The following PTGFRN variants were observed in gnomAD, a reference collection of about 807,000 sequenced individuals.
PTGFRN encodes the protein prostaglandin F2 receptor negative regulator.
PTGFRN carries 35 observed loss-of-function variants against 83.2 expected under a neutral mutation model. That is an observed-to-expected ratio of 0.42 (90% CI 0.32 to 0.56). PTGFRN has a LOEUF of 0.56. PTGFRN is among the 20% of genes least tolerant of loss of function. The probability of loss-of-function intolerance (pLI) is 0.11; values close to 1 mark genes in which losing one functional copy is unlikely to be tolerated. For missense variants in PTGFRN, 1,051 were observed against 1,179.5 expected, an observed-to-expected ratio of 0.89 and a Z score of 1.60; for synonymous variants, 519 against 498.6, an observed-to-expected ratio of 1.04 and a Z score of -0.55.
chr1:116,979,508 G>C (rs1463967060), intron 7 of PTGFRN, among the ~76,000 whole-genome samples: 1 of 152,100 alleles, frequency 6.6e-6, no homozygotes, highest in Admixed American at 6.5e-5. Flanking sequence ...GCATGGTGCT[G>C]GTACCAAAAC....
chr1:116,927,735 A>G (rs1015224955), intron 1 of PTGFRN, among the ~76,000 whole-genome samples: 7 of 150,916 alleles, frequency 4.6e-5, no homozygotes, highest in East Asian at 1.9e-4. Flanking sequence ...GACGAGATCT[A>G]TGTTGCCCAG....
At chr1:116,968,883 T>G (rs1557746840) in intron 6 of PTGFRN, among the ~76,000 whole-genome samples, 2 of 152,176 alleles carry the variant, frequency 1.3e-5, no homozygotes, top group African/African-American at 2.4e-5. Context: ...GTATCAGTAC[T>G]TCATTCCTTT....
chr1:116,910,987 C>A (rs1000354076), intron 1 of PTGFRN, among the ~76,000 whole-genome samples: 1 of 152,154 alleles, frequency 6.6e-6, no homozygotes, highest in African/African-American at 2.4e-5. Flanking sequence ...CCTCCGGAAA[C>A]CCTGGGTGCC....
intron 3 of PTGFRN, among the ~76,000 whole-genome samples, chr1:116,945,727 T>C (rs1290341649): frequency 6.7e-6 from 1 of 149,976 alleles, no homozygotes; most frequent in African/African-American, 2.5e-5. Flanking sequence ...CCCTTTGTCC[T>C]GTCGTCTGTG....
In PTGFRN at chr1:116,949,419, C is replaced by T. The variant is rs764413521; in HGVS notation, c.1060C>T (p.Arg354Cys). The T allele has an allele frequency of 3.1e-6, 5 of 1,614,116 alleles. No homozygotes were observed. In the South Asian group the frequency reaches 3.3e-5, roughly 11 times the overall value. Residue 354 changes from arginine to cysteine, a missense_variant, in exon 4 of 9, where the codon CGC becomes TGC. Physicochemically the swap from Arg to Cys is radical, Grantham distance 180 (BLOSUM62 -3). Coordinates refer to ENST00000393203, the MANE Select transcript of PTGFRN (RefSeq NM_020440.4). The part of the protein sequence containing the change: ...PHVALSHVDA[R>C]SYHLLVRDVS... ...TGTTGCTTTGAGTCATGTGGATGCA[C>T]GCTCCTACCATTTACTGGTTCGGGA...
intron 6 of PTGFRN, among the ~76,000 whole-genome samples, chr1:116,967,895 G>A (rs6687664): frequency 0.14 from 20,911 of 152,128 alleles, 1,637 homozygotes; most frequent in East Asian, 0.4. Context: ...GGACATTCAT[G>A]TACAAATTTT....
At chr1:116,936,351 G>C (rs1364572309) in intron 1 of PTGFRN, among the ~76,000 whole-genome samples, 1 of 152,212 alleles carries the variant, frequency 6.6e-6, no homozygotes, top group Admixed American at 6.5e-5. Context: ...GGACATCCTA[G>C]TTCTGCATGC....
intron 5 of PTGFRN, among the ~76,000 whole-genome samples, chr1:116,966,500 A>G (rs1650838747): frequency 6.6e-6 from 1 of 152,184 alleles, no homozygotes; most frequent in Admixed American, 6.5e-5. Context: ...GGAGAGGCAA[A>G]TGGTATGGCC....
At chr1:116,948,927 G>A (rs1261709094) in intron 3 of PTGFRN, among the ~76,000 whole-genome samples, 1 of 152,204 alleles carries the variant, frequency 6.6e-6, no homozygotes, top group African/African-American at 2.4e-5. Context: ...ATTATTATAT[G>A]TAAAGCACTC....
chr1:116,912,731 G>A (rs953014083), intron 1 of PTGFRN, among the ~76,000 whole-genome samples: 10 of 152,186 alleles, frequency 6.6e-5, no homozygotes, highest in African/African-American at 2.4e-4. Flanking sequence ...CCTCCAAGGA[G>A]ATGTTGCCCC....
chr1:116,978,877 A>G (rs956351415), intron 7 of PTGFRN, among the ~76,000 whole-genome samples: 5 of 152,106 alleles, frequency 3.3e-5, no homozygotes, highest in African/African-American at 7.2e-5. Context: ...GGCCAGGGCA[A>G]TCAGGCAGGA....
Position 116,974,787 on chromosome 1 carries a change from C to G in PTGFRN, c.2167+464C>G, listed in dbSNP as rs535165839. Among the ~76,000 whole-genome samples the G allele has an allele frequency of 2.6e-5, 4 of 152,304 alleles. No homozygotes were observed. In the South Asian group the frequency reaches 8.3e-4, roughly 32 times the overall value. ...ATAGGAACAGCTCCAGTCTACAGCT[C>G]CCAGCGTGAGCGATGCAGAAGACGG... is the stretch of plus-strand genomic sequence containing the variant. On this transcript the variant is annotated intron_variant, in intron 7 of 8. Transcript: ENST00000393203.
intron 1 of PTGFRN, among the ~76,000 whole-genome samples, chr1:116,936,953 T>C (rs2491107): frequency 0.12 from 17,542 of 152,240 alleles, 1,462 homozygotes; most frequent in African/African-American, 0.23. Context: ...AGTGAAAACA[T>C]AAATGTTCAT....
chr1:116,956,643 C>T (rs1650505745), intron 4 of PTGFRN, among the ~76,000 whole-genome samples: 1 of 152,170 alleles, frequency 6.6e-6, no homozygotes, highest in South Asian at 2.1e-4. Context: ...GGTGCTGCGG[C>T]TGGGTGCACG....
At position 116,961,632 on chromosome 1, in the gene PTGFRN, T is replaced by C. The variant is rs748140715; in HGVS notation, c.1603T>C (p.Phe535Leu). 6.2e-7 allele frequency: 1 copy of C among 1,613,824 alleles called. No individual in the cohort carries two copies. The highest frequency in any genetic ancestry group is 1.1e-5 in the South Asian group (1 of 91,022). ...CAGCTGGGTGAAAAGCAAGGATGTC[T>C]TCTCCAAGCCTGTTAACATATTTTG... ...NNSWVKSKDV[F>L]SKPVNIFWAL... Residue 535 changes from phenylalanine (F) to leucine (L), a missense_variant, in exon 5 of 9, where the codon TTC (phenylalanine) becomes CTC (leucine). Coordinates refer to ENST00000393203, the MANE Select transcript of PTGFRN (RefSeq NM_020440.4). The surrounding 1 kb of genome is among the most constrained non-coding windows in gnomAD (Gnocchi z 5.4).
chr1:116,950,214 T>C (rs1650308479), intron 4 of PTGFRN, among the ~76,000 whole-genome samples: 1 of 152,224 alleles, frequency 6.6e-6, no homozygotes, highest in South Asian at 2.1e-4. Flanking sequence ...ATCTTTGGCA[T>C]GTCCTCTTAC....
chr1:116,967,441 A>T (rs1235998862), intron 6 of PTGFRN, 111 bp downstream of exon 6: 1 of 1,095,254 alleles, frequency 9.1e-7, no homozygotes, highest in Non-Finnish European at 1.3e-6. Flanking sequence ...TTCATATGCC[A>T]TACAATGTAC....
At chr1:116,924,298 C>T (rs1169227353) in intron 1 of PTGFRN, among the ~76,000 whole-genome samples, 1 of 141,572 alleles carries the variant, frequency 7.1e-6, no homozygotes, top group Non-Finnish European at 1.5e-5. Context: ...AGGCGCCTGC[C>T]ACCACACCCG....
Position 116,941,645 on chromosome 1 carries a change from G to A in PTGFRN, c.50-70G>A. ...ATGCCTGTGAGCAGGAGCATCCACA[G>A]GTTTGCCACATTTGTCCTGGGAAGA... On this transcript the variant is annotated intron_variant, in intron 1 of 8. Coordinates refer to ENST00000393203, the MANE Select transcript of PTGFRN (RefSeq NM_020440.4). This position sits in a 1 kb window ranked among gnomAD's most constrained non-coding sequence, Gnocchi z 5.0. 1 of 1,534,366 alleles carries A rather than the reference G, an allele frequency of 6.5e-7. No homozygotes were observed. The highest frequency in any genetic ancestry group is 8.7e-7 in the Non-Finnish European group (1 of 1,144,754).
Sources: allele counts gnomAD v4.1 joint callset (sites outside exome capture counted in the v4.1 genomes callset), GRCh38; gene constraint gnomAD v4.1.1; non-coding constraint Gnocchi (gnomAD v3.1); transcripts MANE v1.5; gene names NCBI Gene and HGNC (gene_info 2026-07-23, HGNC 2026-07-21).